The following TTBK2 variants were observed in gnomAD, a reference collection of about 807,000 sequenced individuals.
TTBK2 encodes the protein tau-tubulin kinase 2.
In TTBK2, 28 loss-of-function variants were observed where a neutral mutation model predicts 110.8. The observed-to-expected ratio is 0.25, with a 90% CI of 0.19 to 0.35. TTBK2 has a LOEUF of 0.35. TTBK2 is among the 10% of genes least tolerant of loss of function. TTBK2 has a pLI of 1.00. For missense variants in TTBK2, 1,369 were observed against 1,500.3 expected (o/e 0.91, Z 1.45); for synonymous variants, 532 against 527.3 (o/e 1.01, Z -0.12).
chr15:42,898,611 G>C (rs144518328), intron 1 of TTBK2, among the ~76,000 whole-genome samples: 2 of 151,646 alleles, frequency 1.3e-5, no homozygotes, highest in East Asian at 3.9e-4. Flanking sequence ...TCTGAGTACT[G>C]GCCTAAACTC....
chr15:42,897,596 C>T (rs1895716473), intron 1 of TTBK2, among the ~76,000 whole-genome samples: 1 of 152,036 alleles, frequency 6.6e-6, no homozygotes. Flanking sequence ...GGAAAGGATG[C>T]CATTATTGAT....
chr15:42,858,579 C>G (rs530217975), intron 3 of TTBK2, among the ~76,000 whole-genome samples: 11 of 152,032 alleles, frequency 7.2e-5, no homozygotes, highest in Admixed American at 3.9e-4. Flanking sequence ...AAGTGAGGAA[C>G]ATGGAAGCTG....
intron 1 of TTBK2, among the ~76,000 whole-genome samples, chr15:42,882,268 G>T (rs980088981): frequency 1.3e-5 from 2 of 151,628 alleles, no homozygotes; most frequent in African/African-American, 4.8e-5. Context: ...TAACCAAACT[G>T]CTGAAAATTA....
intron 10 of TTBK2, among the ~76,000 whole-genome samples, chr15:42,784,095 G>GA (rs796709075): frequency 0.012 from 1,706 of 144,840 alleles, 29 homozygotes; most frequent in African/African-American, 0.04. Flanking sequence ...AAAAGAAAAA[G>GA]AAAAAAAAAA....
chr15:42,833,517 C>G (rs1892860151), intron 4 of TTBK2, among the ~76,000 whole-genome samples: 1 of 152,118 alleles, frequency 6.6e-6, no homozygotes. Context: ...CTCTCCCCTC[C>G]CACCCACATG....
Position 42,863,746 on chromosome 15 carries a change from G to C in TTBK2, c.217+8865C>G, listed in dbSNP as rs1388627643. On this transcript the variant is annotated intron_variant, in intron 3 of 14. Transcript: ENST00000267890. ...ACAAAAACAGACACACAGACCAATGGAACAGGTTAGAGAACCCAGAAATAA... is the reference window on the plus strand; with the variant it reads ...ACAAAAACAGACACACAGACCAATGCAACAGGTTAGAGAACCCAGAAATAA... Among the ~76,000 whole-genome samples, 3 of 152,084 alleles carry C rather than the reference G, an allele frequency of 2.0e-5. No individual in the cohort carries two copies. The East Asian group carries it at 5.8e-4, about 29-fold the overall frequency.
chr15:42,893,126 GAACA>G (rs1895529287), intron 1 of TTBK2, among the ~76,000 whole-genome samples: 1 of 151,924 alleles, frequency 6.6e-6, no homozygotes, highest in Non-Finnish European at 1.5e-5. Flanking sequence ...TATTTGAATT[GAACA>G]AAAAGGAAAA....
intron 6 of TTBK2, among the ~76,000 whole-genome samples, chr15:42,825,365 T>C (rs1163498008): frequency 6.6e-6 from 1 of 152,206 alleles, no homozygotes; most frequent in Non-Finnish European, 1.5e-5. Flanking sequence ...TGTCAAGGGC[T>C]GCACTGGGTA....
chr15:42,790,646 C>G (rs1276824254), intron 10 of TTBK2, among the ~76,000 whole-genome samples: 1 of 151,912 alleles, frequency 6.6e-6, no homozygotes, highest in Non-Finnish European at 1.5e-5. Context: ...CCTTTTTGTT[C>G]TAATGCTTAT....
chr15:42,797,574 T>A (rs926142046), intron 9 of TTBK2, among the ~76,000 whole-genome samples: 2 of 152,188 alleles, frequency 1.3e-5, no homozygotes, highest in African/African-American at 2.4e-5. Flanking sequence ...ATTTTCTAAT[T>A]CGGGAGCAGG....
At chr15:42,768,122 AAG>A (rs766427513) in intron 13 of TTBK2, among the ~76,000 whole-genome samples, 40 of 152,018 alleles carry the variant, frequency 2.6e-4, no homozygotes, top group Non-Finnish European at 5.0e-4. Context: ...TCAAAATAAT[AAG>A]AGTTATTTAT....
chr15:42,863,905 A>G (rs1266141778), intron 3 of TTBK2, among the ~76,000 whole-genome samples: 1 of 152,214 alleles, frequency 6.6e-6, no homozygotes, highest in African/African-American at 2.4e-5. Flanking sequence ...CTAGACCCCT[A>G]TCTTTCACCA....
At chr15:42,750,597 A>T (rs919851461) in intron 14 of TTBK2, among the ~76,000 whole-genome samples, 5 of 152,220 alleles carry the variant, frequency 3.3e-5, no homozygotes, top group South Asian at 2.1e-4. Flanking sequence ...AGAAAAGTAA[A>T]CAGACAATAA....
chr15:42,763,083 T>TA (rs200415911), intron 13 of TTBK2, among the ~76,000 whole-genome samples: 1,443 of 116,636 alleles, frequency 0.012, 103 homozygotes, highest in African/African-American at 0.058. Flanking sequence ...AGTTAACAAT[T>TA]TTATATATAT....
intron 1 of TTBK2, among the ~76,000 whole-genome samples, chr15:42,915,981 T>A (rs2031063128): frequency 1.3e-5 from 2 of 151,374 alleles, no homozygotes; most frequent in Non-Finnish European, 2.9e-5. Flanking sequence ...GTGGGTGAGA[T>A]CCAGGAGAAA....
At position 42,831,580 on chromosome 15, in the gene TTBK2, A is replaced by C. The variant is rs542558798; in HGVS notation, c.292-1502T>G. On this transcript the variant is annotated intron_variant, in intron 4 of 14. Transcript: ENST00000267890. ...CTGTGTCTGTTTTACAGATAAGGAAACTGAGGTTCAAAGAGGTTAAATAAT... is the reference window on the plus strand; with the variant it reads ...CTGTGTCTGTTTTACAGATAAGGAACCTGAGGTTCAAAGAGGTTAAATAAT... 4.5e-4 allele frequency among the ~76,000 whole-genome samples: 68 copies of C among 152,356 alleles called. 1 individual carries two copies. The highest frequency in any genetic ancestry group is 1.5e-3 in the African/African-American group (61 of 41,578).
Position 42,775,634 on chromosome 15 carries a change from C to T in TTBK2, c.1499G>A (p.Arg500His), listed in dbSNP as rs56039839. 73 of 1,613,344 alleles carry T rather than the reference C, an allele frequency of 4.5e-5. No homozygotes were observed. In the South Asian group the frequency reaches 5.2e-4, roughly 11 times the overall value. Residue 500 changes from arginine (R) to histidine (H), a missense_variant, in exon 13 of 15, where the codon CGT becomes CAT. Coordinates refer to ENST00000267890, the MANE Select transcript of TTBK2 (RefSeq NM_173500.4). ...LHKPCVPAVS[R>H]TDHIWHYDEE... ...ATCATAGTGCCAGATGTGGTCAGTACGGGACACAGCAGGAACGCAAGGCTT... is the reference window on the plus strand; with the variant it reads ...ATCATAGTGCCAGATGTGGTCAGTATGGGACACAGCAGGAACGCAAGGCTT...
chr15:42,867,051 T>TG (rs761144099), intron 3 of TTBK2, among the ~76,000 whole-genome samples: 33 of 152,120 alleles, frequency 2.2e-4, no homozygotes, highest in Non-Finnish European at 4.1e-4. Context: ...GAGACCATCC[T>TG]GGCTAACACG....
At chr15:42,867,253 A>C (rs1894413536) in intron 3 of TTBK2, among the ~76,000 whole-genome samples, 2 of 151,370 alleles carry the variant, frequency 1.3e-5, no homozygotes, top group African/African-American at 4.8e-5. Flanking sequence ...CTCAAAAAAA[A>C]AAAAAAAGAA....
Sources: allele counts gnomAD v4.1 joint callset (sites outside exome capture counted in the v4.1 genomes callset), GRCh38; gene constraint gnomAD v4.1.1; transcripts MANE v1.5; gene names NCBI Gene and HGNC (gene_info 2026-07-23, HGNC 2026-07-21).